The following STIM1 variants were observed in gnomAD, a reference collection of about 807,000 sequenced individuals.
STIM1 encodes stromal interaction molecule 1.
Under a neutral mutation model 74.7 loss-of-function variants are expected in STIM1, and 25 were observed. The observed-to-expected ratio is 0.33, with a 90% CI of 0.24 to 0.47. The LOEUF (loss-of-function observed/expected upper bound fraction) is 0.47. Among genes scored for constraint, STIM1 ranks in the 20% least tolerant of loss-of-function variants. STIM1 has a pLI of 1.00. For missense variants in STIM1, 728 were observed against 920.8 expected (o/e 0.79, Z 2.71); for synonymous variants, 328 against 348.8 (o/e 0.94, Z 0.66).
intron 1 of STIM1, chr11:3,892,273 G>C (rs2091918303): frequency 3.0e-6 from 2 of 666,894 alleles, no homozygotes; most frequent in Non-Finnish European, 5.3e-6. Flanking sequence ...GAGCCCAAAG[G>C]GAACTGCAGC....
At chr11:3,862,168 C>A (rs1353281212) in intron 1 of STIM1, among the ~76,000 whole-genome samples, 2 of 151,922 alleles carry the variant, frequency 1.3e-5, no homozygotes, top group Non-Finnish European at 2.9e-5. Flanking sequence ...AAATTGAATA[C>A]CCTGAAATGA....
In STIM1 at chr11:4,091,383, T is replaced by C; in HGVS notation, c.1736T>C (p.Leu579Pro). The C allele has an allele frequency of 6.2e-7, 1 of 1,614,194 alleles. No homozygotes were observed. Among genetic ancestry groups the C allele is most frequent in the Non-Finnish European group, 8.5e-7 (1 of 1,180,034 alleles). Residue 579 changes from leucine (L) to proline (P), a missense_variant, in exon 13 of 13, where the codon CTC becomes CCC. Coordinates refer to ENST00000526596, the MANE Select transcript of STIM1 (RefSeq NM_001382567.1). ...PQMSRAADEA[L>P]NAMTSNGSHR... is the part of the protein sequence containing the mutation. ...ATGAGCCGTGCTGCAGACGAGGCTC[T>C]CAATGCCATGACTTCCAATGGCAGC...
chr11:4,009,645 AAAT>A (rs1427485459), intron 2 of STIM1, among the ~76,000 whole-genome samples: 1 of 151,646 alleles, frequency 6.6e-6, no homozygotes, highest in Non-Finnish European at 1.5e-5. Context: ...AAATAAAGTA[AAAT>A]AAAATTAATT....
intron 1 of STIM1, among the ~76,000 whole-genome samples, chr11:3,910,809 T>C (rs2092549241): frequency 6.7e-6 from 1 of 149,154 alleles, no homozygotes; most frequent in South Asian, 2.1e-4. Context: ...GTGAAACCCC[T>C]GTCTCTACTA....
At chr11:4,056,866 A>G (rs1195175277) in intron 4 of STIM1, among the ~76,000 whole-genome samples, 2 of 152,244 alleles carry the variant, frequency 1.3e-5, no homozygotes, top group Non-Finnish European at 2.9e-5. Context: ...CAAATATTTT[A>G]TAATTTATCC....
chr11:3,954,548 A>C (rs2093188182), intron 1 of STIM1, among the ~76,000 whole-genome samples: 1 of 152,210 alleles, frequency 6.6e-6, no homozygotes, highest in East Asian at 1.9e-4. Flanking sequence ...TGTAAATGAA[A>C]AATATAGGTT....
At chr11:4,021,459 C>T (rs2093955263) in intron 2 of STIM1, among the ~76,000 whole-genome samples, 1 of 152,188 alleles carries the variant, frequency 6.6e-6, no homozygotes, top group South Asian at 2.1e-4. Flanking sequence ...TTGTCCTTTC[C>T]TCAGTGTTTG....
At chr11:3,895,817 CTTCT>C (rs1253675324) in intron 1 of STIM1, among the ~76,000 whole-genome samples, 6 of 68,248 alleles carry the variant, frequency 8.8e-5, no homozygotes, top group Admixed American at 5.1e-4. Flanking sequence ...TCTTTCCTTC[CTTCT>C]TTCTTTTCTT....
chr11:3,883,037 G>A (rs1358991342), intron 1 of STIM1, among the ~76,000 whole-genome samples: 4 of 151,850 alleles, frequency 2.6e-5, no homozygotes, highest in Non-Finnish European at 5.9e-5. Flanking sequence ...GTTATTGTAA[G>A]AGTTCTTTAT....
rs142273652 is a variant in STIM1, at chr11:4,047,437, G to A, written c.386-8089G>A. On this transcript the variant is annotated intron_variant, in intron 3 of 12. Transcript: ENST00000526596. ...CTGAGACCAACCTGGACAACATGGTGAAACCCCATCTGTACTGAAAATACA... is the reference window on the plus strand; with the variant it reads ...CTGAGACCAACCTGGACAACATGGTAAAACCCCATCTGTACTGAAAATACA... 2.4e-3 allele frequency among the ~76,000 whole-genome samples: 372 copies of A among 152,166 alleles called. 2 individuals are homozygous for A. The highest frequency in any genetic ancestry group is 8.6e-3 in the African/African-American group (356 of 41,522).
At chr11:4,067,054 C>T (rs2094371509) in intron 5 of STIM1, among the ~76,000 whole-genome samples, 1 of 152,196 alleles carries the variant, frequency 6.6e-6, no homozygotes, top group Non-Finnish European at 1.5e-5. Context: ...CATCTATATT[C>T]TTAATTATCT....
intron 1 of STIM1, among the ~76,000 whole-genome samples, chr11:3,934,195 G>A (rs1157485477): frequency 6.6e-6 from 1 of 151,204 alleles, no homozygotes; most frequent in Non-Finnish European, 1.5e-5. Flanking sequence ...ACATGTTTTT[G>A]TGTCTTCAAT....
chr11:4,065,292 T>C (rs1156547212), intron 5 of STIM1, among the ~76,000 whole-genome samples: 5 of 151,898 alleles, frequency 3.3e-5, no homozygotes, highest in South Asian at 4.2e-4. Context: ...TGAGCAGGAG[T>C]GGTTGCTTTT....
intron 3 of STIM1, among the ~76,000 whole-genome samples, chr11:4,051,327 C>T (rs1359213811): frequency 6.6e-6 from 1 of 151,174 alleles, no homozygotes; most frequent in Admixed American, 6.6e-5. Context: ...AGAATCAAAA[C>T]ACTTTAATGG....
chr11:3,902,669 G>A (rs1433506373), intron 1 of STIM1, among the ~76,000 whole-genome samples: 3 of 152,210 alleles, frequency 2.0e-5, no homozygotes, highest in African/African-American at 2.4e-5. Flanking sequence ...AACAAGGCAC[G>A]GACTGGTACA....
intron 1 of STIM1, chr11:3,892,915 A>G (rs2091942222): frequency 1.6e-6 from 2 of 1,270,300 alleles, no homozygotes; most frequent in Non-Finnish European, 2.3e-6. Context: ...TCCCGGCAGC[A>G]GCAGCATCTG....
At position 4,037,865 on chromosome 11, in the gene STIM1, C is replaced by T. The variant is rs185414960; in HGVS notation, c.385+13878C>T. ...GTCCATTTTCTTGCTATTTGTTTTC[C>T]GTTTGTCCCATCTGTTCTTTAATTC... On this transcript the variant is annotated intron_variant, in intron 3 of 12. Coordinates refer to ENST00000526596, the MANE Select transcript of STIM1 (RefSeq NM_001382567.1). Among the ~76,000 whole-genome samples the T allele has an allele frequency of 1.9e-3, 292 of 151,900 alleles. 4 individuals are homozygous for T. Among genetic ancestry groups the T allele is most frequent in the African/African-American group, 6.7e-3 (279 of 41,428 alleles).
intron 2 of STIM1, among the ~76,000 whole-genome samples, chr11:3,981,127 A>C (rs969132626): frequency 3.3e-5 from 5 of 151,928 alleles, no homozygotes; most frequent in African/African-American, 4.8e-5. Context: ...GCTCTCTTTC[A>C]TCATGTTGGC....
intron 1 of STIM1, among the ~76,000 whole-genome samples, chr11:3,950,352 T>G (rs1045290329): frequency 1.3e-5 from 2 of 152,144 alleles, no homozygotes; most frequent in African/African-American, 4.8e-5. Flanking sequence ...CAGGCTGGTC[T>G]TGAACTCCTG....
Sources: gnomAD v4.1 joint callset for allele counts (sites outside exome capture counted in the v4.1 genomes callset) on GRCh38, gnomAD v4.1.1 for gene constraint, MANE v1.5 for transcripts, NCBI Gene and HGNC (gene_info 2026-07-23, HGNC 2026-07-21) for gene names.